SORBS2: variants seen among roughly 807,000 people sequenced by gnomAD.
SORBS2 encodes sorbin and SH3 domain containing 2.
SORBS2 carries 46 observed loss-of-function variants against 97.7 expected under a neutral mutation model. That is an observed-to-expected ratio of 0.47 (90% CI 0.37 to 0.60). The LOEUF (loss-of-function observed/expected upper bound fraction) is 0.60. Ranked by LOEUF, SORBS2 falls within the 20% of genes least tolerant of loss-of-function variation. The pLI is 0.00. For missense variants in SORBS2, 1,316 were observed against 1,282.3 expected (o/e 1.03, Z -0.40); for synonymous variants, 476 against 473.4 (o/e 1.01, Z -0.07).
chr4:185,778,203 T>C (rs1266283106), intron 1 of SORBS2, among the ~76,000 whole-genome samples: 4 of 152,234 alleles, frequency 2.6e-5, no homozygotes. Context: ...GGCAGTGCCA[T>C]GCAGGCCAAC....
At chr4:185,624,597 G>A (rs1277565593) in intron 6 of SORBS2, 103 bp from the exon 19 acceptor site, 19 of 1,255,834 alleles carry the variant, frequency 1.5e-5, no homozygotes, top group Non-Finnish European at 2.0e-5. Context: ...AGCATAGCAA[G>A]GAGAAAGCAG....
chr4:185,592,230 T>C (rs1165799630), intron 13 of SORBS2, among the ~76,000 whole-genome samples: 1 of 152,228 alleles, frequency 6.6e-6, no homozygotes, highest in Non-Finnish European at 1.5e-5. Flanking sequence ...TAACATTATG[T>C]TCCTACTTTG....
At chr4:185,731,036 T>A (rs1160623488) in intron 2 of SORBS2, among the ~76,000 whole-genome samples, 1 of 152,250 alleles carries the variant, frequency 6.6e-6, no homozygotes, top group Non-Finnish European at 1.5e-5. Context: ...ATGACTATTT[T>A]CTAGGTTTTT....
At chr4:185,694,154 C>T (rs2098137248) in intron 2 of SORBS2, among the ~76,000 whole-genome samples, 1 of 152,176 alleles carries the variant, frequency 6.6e-6, no homozygotes. Context: ...TTAACAAATC[C>T]ACGACTGAGA....
intron 2 of SORBS2, among the ~76,000 whole-genome samples, chr4:185,710,993 A>T (rs200722021): frequency 4.2e-5 from 4 of 96,116 alleles, no homozygotes; most frequent in Non-Finnish European, 8.4e-5. Flanking sequence ...TTTTAGAGAC[A>T]GGGTCTCTCT....
At chr4:185,614,997 T>A in intron 10 of SORBS2, 38 bp from the exon 23 acceptor site, 1 of 1,614,098 alleles carries the variant, frequency 6.2e-7, no homozygotes, top group Non-Finnish European at 8.5e-7. Flanking sequence ...AAATCTGCGG[T>A]GACCTTTGAA....
intron 4 of SORBS2, chr4:185,675,290 T>A (rs1308209742): frequency 6.6e-6 from 1 of 152,524 alleles, no homozygotes; most frequent in African/African-American, 2.4e-5. Flanking sequence ...ACCTGCTTCC[T>A]GGCGTGCCCA....
At chr4:185,880,481 A>C (rs2099236282) in intron 1 of SORBS2, among the ~76,000 whole-genome samples, 1 of 152,236 alleles carries the variant, frequency 6.6e-6, no homozygotes, top group African/African-American at 2.4e-5. Flanking sequence ...AAAGTAATGA[A>C]TGGTGTCTTG....
intron 1 of SORBS2, among the ~76,000 whole-genome samples, chr4:185,856,384 A>G (rs1374465170): frequency 6.6e-6 from 1 of 152,204 alleles, no homozygotes; most frequent in Non-Finnish European, 1.5e-5. Flanking sequence ...AATAAGATTA[A>G]GAATTAATAT....
At chr4:185,784,570 C>T (rs764431664) in intron 1 of SORBS2, among the ~76,000 whole-genome samples, 12 of 152,100 alleles carry the variant, frequency 7.9e-5, no homozygotes, top group Admixed American at 2.0e-4. Context: ...GCTACCTGTC[C>T]GTGGGATTTC....
intron 2 of SORBS2, among the ~76,000 whole-genome samples, chr4:185,728,586 T>C (rs1191401217): frequency 1.3e-5 from 2 of 152,220 alleles, no homozygotes; most frequent in Non-Finnish European, 2.9e-5. Flanking sequence ...CTGAATGCCT[T>C]CTGTGTTCAC....
intron 2 of SORBS2, among the ~76,000 whole-genome samples, chr4:185,721,084 C>CTTTTT (rs1160319469): frequency 0.059 from 5,378 of 91,842 alleles, 559 homozygotes; most frequent in African/African-American, 0.12. Flanking sequence ...CCCACCTATT[C>CTTTTT]TTTTTTTTTT....
At chr4:185,656,447 T>G (rs890445056) in intron 1 of SORBS2, among the ~76,000 whole-genome samples, 1 of 152,044 alleles carries the variant, frequency 6.6e-6, no homozygotes, top group Non-Finnish European at 1.5e-5. Flanking sequence ...CGGCTTTTTT[T>G]TTTTTTTTCC....
At chr4:185,922,931 A>T (rs767415184) in intron 1 of SORBS2, among the ~76,000 whole-genome samples, 15 of 152,118 alleles carry the variant, frequency 9.9e-5, no homozygotes, top group Non-Finnish European at 1.8e-4. Flanking sequence ...ATATCGTTTG[A>T]CTCCTAACTC....
At chr4:185,927,348 C>T (rs113687011) in intron 1 of SORBS2, among the ~76,000 whole-genome samples, 6,943 of 151,894 alleles carry the variant, frequency 0.046, 243 homozygotes, top group African/African-American at 0.098. Flanking sequence ...TATACACATG[C>T]CATGGCGGTT....
chr4:185,870,527 A>T (rs2099229806), intron 1 of SORBS2, among the ~76,000 whole-genome samples: 1 of 152,212 alleles, frequency 6.6e-6, no homozygotes, highest in African/African-American at 2.4e-5. Context: ...CTGTGTCTCT[A>T]ATGAGACCGA....
At chr4:185,887,808 TTGC>T (rs2099240407) in intron 1 of SORBS2, among the ~76,000 whole-genome samples, 1 of 152,096 alleles carries the variant, frequency 6.6e-6, no homozygotes, top group South Asian at 2.1e-4. Flanking sequence ...GAAGATGGGG[TTGC>T]TGATCTTCTT....
chr4:185,752,788 C>T (rs1412116524), intron 2 of SORBS2, among the ~76,000 whole-genome samples: 1 of 152,272 alleles, frequency 6.6e-6, no homozygotes, highest in East Asian at 1.9e-4. Flanking sequence ...GTTCCATTTT[C>T]TATTTATCCT....
intron 1 of SORBS2, among the ~76,000 whole-genome samples, chr4:185,904,027 AATT>A (rs939260517): frequency 6.2e-4 from 94 of 152,264 alleles, no homozygotes; most frequent in African/African-American, 1.9e-3. Context: ...GCAATTGCAT[AATT>A]ATTATTATTT....
Sources: gnomAD v4.1 joint callset for allele counts (sites outside exome capture counted in the v4.1 genomes callset) on GRCh38, gnomAD v4.1.1 for gene constraint, MANE v1.5 for transcripts, NCBI Gene and HGNC (gene_info 2026-07-23, HGNC 2026-07-21) for gene names.